The following DACT3 variants were observed in gnomAD, a reference collection of about 807,000 sequenced individuals.
DACT3 encodes the protein dishevelled binding antagonist of beta catenin 3, also known as dapper homolog 3.
DACT3 carries 5 observed loss-of-function variants against 19.6 expected under a neutral mutation model. That is an observed-to-expected ratio of 0.26 (90% CI 0.13 to 0.54). The LOEUF is 0.54. DACT3 is among the 20% of genes least tolerant of loss of function. The pLI is 0.95. For synonymous variants in DACT3, 454 were observed against 428.1 expected, an observed-to-expected ratio of 1.06 and a Z score of -0.75; for missense variants, 908 against 927.4, an observed-to-expected ratio of 0.98 and a Z score of 0.27.
At position 46,657,351 on chromosome 19, in the gene DACT3, T is replaced by C. The variant is rs1440342891; in HGVS notation, c.249+3465A>G. ...TGTGAGGATTAAATGAGTTTCTTTT[T>C]TTTTTTTTTTTTTTTTTTTTGAGAC... On this transcript the variant is annotated intron_variant, in intron 1 of 3. Coordinates refer to ENST00000391916, the MANE Select transcript of DACT3 (RefSeq NM_145056.3). Among the ~76,000 whole-genome samples the C allele has an allele frequency of 2.6e-4, 35 of 132,732 alleles. 1 individual carries two copies. The highest frequency in any genetic ancestry group is 1.4e-3 in the South Asian group (5 of 3,482). The allele number at this position is 132,732 out of a possible 152,430, so 87.1% of individuals were successfully genotyped here. A position where few individuals can be genotyped will look rare whatever the true frequency, so the allele number is the denominator to read the frequency against.
At chr19:46,654,097 T>A in intron 1 of DACT3, 1 of 985,372 alleles carries the variant, frequency 1.0e-6, no homozygotes, top group Non-Finnish European at 1.2e-6. Flanking sequence ...TCCCAGCACG[T>A]TCCTTTGCCC....
At chr19:46,653,539 T>TTTTATTTA (rs113003822) in intron 1 of DACT3, among the ~76,000 whole-genome samples, 32,486 of 140,982 alleles carry the variant, frequency 0.23, 4,112 homozygotes, top group East Asian at 0.42. Context: ...CTTTTTTTAT[T>TTTTATTTA]TTTATTTATT....
intron 1 of DACT3, among the ~76,000 whole-genome samples, chr19:46,655,958 C>CAT (rs1176383035): frequency 3.2e-4 from 48 of 149,572 alleles, no homozygotes; most frequent in Non-Finnish European, 5.5e-4. Context: ...CACAAACACA[C>CAT]ATATATATAT....
Position 46,652,835 on chromosome 19 carries a change from G to A in DACT3, c.347-23C>T, listed in dbSNP as rs368871518. The A allele has an allele frequency of 6.0e-5, 93 of 1,547,108 alleles. 3 individuals carry two copies. Among genetic ancestry groups the A allele is most frequent in the East Asian group, 5.9e-4 (24 of 40,822 alleles). On this transcript the variant is annotated intron_variant, in intron 2 of 3. Transcript: ENST00000391916. The stretch of plus-strand genomic sequence containing the variant: ...AGCCTAAATTTCCAGGAGAAGCAGA[G>A]AGACTTCAGGGGGTTTGGGTGGGAA...
intron 1 of DACT3, among the ~76,000 whole-genome samples, chr19:46,657,918 G>A (rs1298485571): frequency 2.0e-5 from 3 of 151,952 alleles, no homozygotes; most frequent in Non-Finnish European, 2.9e-5. Context: ...CAGGGGTGAT[G>A]GTGCATGCCT....
rs1394764291 is a variant in DACT3, at chr19:46,660,761, GAGAC to G, written c.249+51_249+54del. On this transcript the variant is annotated intron_variant, in intron 1 of 3. Coordinates refer to ENST00000391916, the MANE Select transcript of DACT3 (RefSeq NM_145056.3). The surrounding 1 kb of genome is among the most constrained non-coding windows in gnomAD (Gnocchi z 4.9). ...CCGCCCGGTGTCTGAGCATCCAACC[GAGAC>G]AGACAGACACAGACGGGGGTGGAGG... is the stretch of plus-strand genomic sequence containing the variant. The G allele has an allele frequency of 7.7e-6, 11 of 1,423,276 alleles. No individual in the cohort carries two copies. The highest frequency in any genetic ancestry group is 1.5e-5 in the African/African-American group (1 of 66,896). The allele number at this position is 1,423,276 out of a possible 1,614,324, so 88.2% of individuals were successfully genotyped here.
At position 46,652,904 on chromosome 19, in the gene DACT3, A is replaced by G. The variant is rs73560777; in HGVS notation, c.346+75T>C. ...GAGGAGATGGCGTGGGGAGAGACAC[A>G]GGGGGCCTCAGAAATAGGGATACGG... On this transcript the variant is annotated intron_variant, in intron 2 of 3. Transcript: ENST00000391916. The G allele has an allele frequency of 0.015, 23,842 of 1,542,160 alleles. 1,268 individuals are homozygous for G. In the African/African-American group the frequency reaches 0.17, roughly 11 times the overall value.
rs748585188 is a variant in DACT3 at position 46,652,716 on chromosome 19, C to T, written c.443G>A (p.Arg148His). The T allele has an allele frequency of 7.7e-6, 12 of 1,551,454 alleles. No homozygotes were observed. The African/African-American group carries it at 8.2e-5, about 11-fold the overall frequency. ...GCCCCGGGGCTCAGAGGGACCCAGG[C>T]GACCATAGGAGCTGGATCCAGAGAA... ...SGFSGSSSYG[R>H]LGPSEPRGIY... The change falls in exon 3 of 4, where the codon CGC becomes CAC. Residue 148 changes from arginine to histidine, a missense_variant. Physicochemically the swap from Arg to His is conservative, Grantham distance 29. This residue lies in a region of DACT3 where 252 missense variants were observed against 325.6 expected (regional missense o/e 0.77). Coordinates refer to ENST00000391916, the MANE Select transcript of DACT3 (RefSeq NM_145056.3).
intron 1 of DACT3, chr19:46,659,423 A>G (rs78059992): frequency 4.1e-6 from 4 of 978,530 alleles, no homozygotes; most frequent in East Asian, 1.2e-4. Flanking sequence ...AGCTACCCCA[A>G]CCTCATGCCT....
At chr19:46,651,095 ATTTT>A (rs869085030) in intron 3 of DACT3, 2 of 121,994 alleles carry the variant, frequency 1.6e-5, no homozygotes, top group Non-Finnish European at 3.7e-5. Flanking sequence ...TTATTTATTT[ATTTT>A]TTAGACGAAG....
intron 3 of DACT3, 59 bp downstream of exon 3, chr19:46,652,601 A>T (rs1301193057): frequency 2.6e-6 from 4 of 1,518,024 alleles, no homozygotes; most frequent in Admixed American, 2.1e-5. Flanking sequence ...GTCTGTGCCC[A>T]CAACCATCCT....
Position 46,658,237 on chromosome 19 carries a change from A to AG in DACT3, c.249+2578_249+2579insC, listed in dbSNP as rs540551009. 7.3e-5 allele frequency among the ~76,000 whole-genome samples: 11 copies of AG among 151,554 alleles called. No homozygotes were observed. The South Asian group carries it at 2.3e-3, about 32-fold the overall frequency. ...GCAAGACCTCATATCTTTAAAAAAA[A>AG]AAAAAAAATTAGCCAAATGTGGCGG... On this transcript the variant is annotated intron_variant, in intron 1 of 3. Transcript: ENST00000391916.
chr19:46,657,643 G>A (rs1599793436), intron 1 of DACT3, among the ~76,000 whole-genome samples: 2 of 151,486 alleles, frequency 1.3e-5, no homozygotes, highest in Non-Finnish European at 2.9e-5. Flanking sequence ...GTGAGCCACC[G>A]CGCCCGGCCA....
In DACT3 at chr19:46,660,145, C is replaced by T. The variant is rs2053064335; in HGVS notation, c.249+671G>A. Among the ~76,000 whole-genome samples the T allele has an allele frequency of 6.6e-6, 1 of 152,218 alleles. No homozygotes were observed. The highest frequency in any genetic ancestry group is 2.4e-5 in the African/African-American group (1 of 41,458). ...AGTCTCCCCCAGGCGCTGCCTCGAC[C>T]TGCCTCCCCTTGGGTCAAGGAGAGC... is the stretch of plus-strand genomic sequence containing the variant. On this transcript the variant is annotated intron_variant, in intron 1 of 3. Coordinates refer to ENST00000391916, the MANE Select transcript of DACT3 (RefSeq NM_145056.3). The surrounding 1 kb of genome is among the most constrained non-coding windows in gnomAD (Gnocchi z 4.9).
At chr19:46,659,246 G>T (rs2053055594) in intron 1 of DACT3, 1 of 985,330 alleles carries the variant, frequency 1.0e-6, no homozygotes, top group South Asian at 4.7e-5. Flanking sequence ...TGGGGGGTGG[G>T]GGGACAGGCC....
chr19:46,654,260 G>T, intron 1 of DACT3: 1 of 954,770 alleles, frequency 1.0e-6, no homozygotes, highest in Non-Finnish European at 1.2e-6. Flanking sequence ...GCCGAGGCGG[G>T]CGGATCACAT....
rs1403244786 is a variant in DACT3, at chr19:46,649,879, A to G, written c.500-7T>C. The G allele has an allele frequency of 7.6e-7, 1 of 1,314,360 alleles. No homozygotes were observed. The highest frequency in any genetic ancestry group is 9.5e-7 in the Non-Finnish European group (1 of 1,049,660). 81.4% of individuals were successfully genotyped at this position (1,314,360 alleles called of 1,614,324 possible). A position where few individuals can be genotyped will look rare whatever the true frequency, so the allele number is the denominator to read the frequency against. ...GCGCTGGGACTGGCGTCTCCTAGGG[A>G]AGGAAGGCCAAAAAAAAAAAAAAAA... On this transcript the variant is annotated splice_polypyrimidine_tract_variant and splice_region_variant and intron_variant, in intron 3 of 3. Coordinates refer to ENST00000391916, the MANE Select transcript of DACT3 (RefSeq NM_145056.3).
chr19:46,649,361 A>G lies in DACT3; in HGVS notation c.1011T>C (p.Ala337=), dbSNP rs2052955150. The change falls in exon 4 of 4, where the codon GCT becomes GCC. Residue 337 remains alanine (A), a synonymous_variant. Transcript: ENST00000391916. ...SWESEAAPEP[A]APPAAPSPPD... ...GGGGTGAGGGGGCGGCGGGCGGCGC[A>G]GCGGGCTCGGGTGCCGCCTCCGACT... The G allele has an allele frequency of 3.2e-6, 4 of 1,256,678 alleles. No individual in the cohort carries two copies. The East Asian group carries it at 1.1e-4, about 35-fold the overall frequency. The allele number at this position is 1,256,678 out of a possible 1,614,324, so 77.8% of individuals were successfully genotyped here. A position where few individuals can be genotyped will look rare whatever the true frequency, so the allele number is the denominator to read the frequency against.
chr19:46,656,861 T>C (rs377293650), intron 1 of DACT3, among the ~76,000 whole-genome samples: 2 of 152,150 alleles, frequency 1.3e-5, no homozygotes, highest in East Asian at 1.9e-4. Context: ...TGAGTCCCAT[T>C]CCCAGAGCTT....
Sources: gnomAD v4.1 joint callset for allele counts (sites outside exome capture counted in the v4.1 genomes callset) on GRCh38, gnomAD v4.1.1 for gene constraint, gnomAD v4.1.1 regional missense constraint, Gnocchi (gnomAD v3.1) non-coding constraint, MANE v1.5 for transcripts, NCBI Gene and HGNC (gene_info 2026-07-23, HGNC 2026-07-21) for gene names.